Variants in PTGER2 observed in about 807,000 individuals in gnomAD.
PTGER2 encodes the protein prostaglandin E2 receptor EP2 subtype.
Under a neutral mutation model 26.2 loss-of-function variants are expected in PTGER2, and 22 were observed. That is an observed-to-expected ratio of 0.84 (90% confidence interval 0.60 to 1.20). PTGER2 has a LOEUF of 1.20. Ranked by LOEUF, PTGER2 falls within the 50% of genes most tolerant of loss-of-function variation. The pLI is 0.00. For synonymous variants in PTGER2, 219 were observed against 208.9 expected, an observed-to-expected ratio of 1.05 and a Z score of -0.42; for missense variants, 458 against 475.2, an observed-to-expected ratio of 0.96 and a Z score of 0.34.
intron 1 of PTGER2, among the ~76,000 whole-genome samples, chr14:52,322,686 C>T (rs567987884): frequency 6.6e-6 from 1 of 152,200 alleles, no homozygotes; most frequent in Non-Finnish European, 1.5e-5. Context: ...GACAGACACT[C>T]CCAGAGCGGC....
chr14:52,315,207 T>G lies in PTGER2; in HGVS notation c.659T>G (p.Leu220Arg), dbSNP rs1205259883. The change falls in exon 1 of 2, where the codon CTC (leucine) becomes CGC (arginine). Residue 220 changes from leucine (L) to arginine (R), a missense_variant. Coordinates refer to ENST00000245457, the MANE Select transcript of PTGER2 (RefSeq NM_000956.4). ...CTCGCCTGCAACTTCAGTGTCATTCTCAACCTCATCCGCATGCACCGCCGA... is the reference window on the plus strand; with the variant it reads ...CTCGCCTGCAACTTCAGTGTCATTCGCAACCTCATCCGCATGCACCGCCGA... ...SVLACNFSVI[L>R]NLIRMHRRSR... 1 of 1,610,700 alleles carries G rather than the reference T, an allele frequency of 6.2e-7. No homozygotes were observed. The highest frequency in any genetic ancestry group is 1.7e-5 in the Admixed American group (1 of 60,018).
intron 1 of PTGER2, among the ~76,000 whole-genome samples, chr14:52,326,056 T>C (rs1188309205): frequency 6.6e-6 from 1 of 152,238 alleles, no homozygotes; most frequent in African/African-American, 2.4e-5. Context: ...ACCTTTGTTT[T>C]CCTCTTTTCT....
intron 1 of PTGER2, among the ~76,000 whole-genome samples, chr14:52,318,430 C>A (rs2033862746): frequency 1.3e-5 from 2 of 152,060 alleles, no homozygotes; most frequent in African/African-American, 2.4e-5. Flanking sequence ...CCCAATATAT[C>A]TAAAATATTA....
intron 1 of PTGER2, among the ~76,000 whole-genome samples, chr14:52,326,821 C>T (rs2033955468): frequency 6.6e-6 from 1 of 152,068 alleles, no homozygotes; most frequent in African/African-American, 2.4e-5. Flanking sequence ...GGGGTTAGTA[C>T]CCAGAACAAT....
chr14:52,317,575 A>T (rs1428386415), intron 1 of PTGER2, among the ~76,000 whole-genome samples: 1 of 152,230 alleles, frequency 6.6e-6, no homozygotes, highest in Admixed American at 6.5e-5. Context: ...AAATCTGGCT[A>T]AAAGGTGTTG....
rs2033964779 is a variant in PTGER2 at position 52,327,538 on chromosome 14, T to C, written c.*84T>C. 1 of 1,140,656 alleles carries C rather than the reference T, an allele frequency of 8.8e-7. No individual in the cohort carries two copies. Among genetic ancestry groups the C allele is most frequent in the East Asian group, 2.4e-5 (1 of 41,836 alleles). 70.7% of individuals were successfully genotyped at this position (1,140,656 alleles called of 1,614,324 possible). The stretch of plus-strand genomic sequence containing the variant: ...TCCTTGGAGAAATGAAAACAGTGTG[T>C]AAACAAAATGAAGCTGCCCTAATAA... On this transcript the variant is annotated 3_prime_UTR_variant, in exon 2 of 2. Transcript: ENST00000245457.
chr14:52,318,514 G>A (rs959393478), intron 1 of PTGER2, among the ~76,000 whole-genome samples: 9 of 152,074 alleles, frequency 5.9e-5, no homozygotes, highest in Non-Finnish European at 1.2e-4. Context: ...TTGTATCCCA[G>A]AAAATAGTAG....
Position 52,315,246 on chromosome 14 carries a change from G to T in PTGER2, c.698G>T (p.Arg233Leu), listed in dbSNP as rs745828156. ...IRMHRRSRRS[R>L]CGPSLGSGRG... ...ATGCACCGCCGAAGCCGGAGAAGCC[G>T]CTGCGGACCTTCCCTGGGCAGTGGC... Residue 233 changes from arginine to leucine, a missense_variant, in exon 1 of 2, where the codon CGC becomes CTC. Physicochemically the swap from Arg to Leu is moderately radical, Grantham distance 102. Coordinates refer to ENST00000245457, the MANE Select transcript of PTGER2 (RefSeq NM_000956.4). The T allele has an allele frequency of 4.3e-6, 7 of 1,612,796 alleles. No individual in the cohort carries two copies. The highest frequency in any genetic ancestry group is 1.3e-5 in the African/African-American group (1 of 75,014).
intron 1 of PTGER2, among the ~76,000 whole-genome samples, chr14:52,322,578 C>G (rs2033906986): frequency 6.6e-6 from 1 of 152,038 alleles, no homozygotes; most frequent in South Asian, 2.1e-4. Flanking sequence ...CCAGTCTGAC[C>G]TCAAATTAAC....
intron 1 of PTGER2, among the ~76,000 whole-genome samples, chr14:52,324,696 A>C (rs1421567392): frequency 1.3e-5 from 2 of 152,248 alleles, no homozygotes; most frequent in Non-Finnish European, 2.9e-5. Context: ...ATTTTACCAC[A>C]ATTTTTTAAA....
At chr14:52,324,283 C>G (rs2033926868) in intron 1 of PTGER2, among the ~76,000 whole-genome samples, 1 of 152,114 alleles carries the variant, frequency 6.6e-6, no homozygotes, top group African/African-American at 2.4e-5. Flanking sequence ...CTGGGCCAAG[C>G]CTTTATTGGA....
chr14:52,326,085 T>C (rs759886984), intron 1 of PTGER2, among the ~76,000 whole-genome samples: 7 of 152,232 alleles, frequency 4.6e-5, no homozygotes, highest in African/African-American at 1.7e-4. Context: ...TGTAGAAGTG[T>C]GATCTTTATC....
rs757842036 is a variant in PTGER2 at position 52,315,315 on chromosome 14, T to G, written c.767T>G (p.Met256Arg). Residue 256 changes from methionine (M) to arginine (R), a missense_variant, in exon 1 of 2, where the codon ATG becomes AGG. Met to Arg is a moderately conservative substitution (Grantham distance 91). Transcript: ENST00000245457. ...GARRRGERVS[M>R]AEETDHLILL... ...CGCAGGAGAGGGGAAAGGGTGTCCA[T>G]GGCGGAGGAGACGGACCACCTCATT... 5 of 1,612,930 alleles carry G rather than the reference T, an allele frequency of 3.1e-6. No individual in the cohort carries two copies. Among genetic ancestry groups the G allele is most frequent in the Non-Finnish European group, 4.2e-6 (5 of 1,179,798 alleles).
chr14:52,321,508 C>T (rs1234305683), intron 1 of PTGER2, among the ~76,000 whole-genome samples: 1 of 152,212 alleles, frequency 6.6e-6, no homozygotes, highest in African/African-American at 2.4e-5. Flanking sequence ...CTCCTCCAAA[C>T]CCATAATGTG....
intron 1 of PTGER2, among the ~76,000 whole-genome samples, chr14:52,321,163 A>G (rs1007056190): frequency 6.6e-6 from 1 of 152,212 alleles, no homozygotes; most frequent in Non-Finnish European, 1.5e-5. Context: ...ATTGCAGGAA[A>G]ATAGGCTTCT....
intron 1 of PTGER2, among the ~76,000 whole-genome samples, chr14:52,321,946 T>C (rs1333931089): frequency 6.6e-6 from 1 of 152,184 alleles, no homozygotes; most frequent in Non-Finnish European, 1.5e-5. Flanking sequence ...TTAAGTGTGA[T>C]AAATGAATAA....
Position 52,315,149 on chromosome 14 carries a change from G to A in PTGER2, c.601G>A (p.Ala201Thr). The A allele has an allele frequency of 6.2e-7, 1 of 1,608,652 alleles. No homozygotes were observed. The highest frequency in any genetic ancestry group is 8.5e-7 in the Non-Finnish European group (1 of 1,179,932). The change falls in exon 1 of 2, where the codon GCC becomes ACC. Residue 201 changes from alanine to threonine, a missense_variant. Ala to Thr is a moderately conservative substitution (Grantham distance 58). Coordinates refer to ENST00000245457, the MANE Select transcript of PTGER2 (RefSeq NM_000956.4). ...GCGGACCGCTTACCTGCAGCTGTAC[G>A]CCACCCTGCTGCTGCTTCTCATTGT... ...HGRTAYLQLYATLLLLLIVSV... is the reference protein window; with the variant it reads ...HGRTAYLQLYTTLLLLLIVSV...
chr14:52,317,678 T>A (rs970604853), intron 1 of PTGER2, among the ~76,000 whole-genome samples: 1 of 152,160 alleles, frequency 6.6e-6, no homozygotes, highest in African/African-American at 2.4e-5. Flanking sequence ...GAAGGGGCTT[T>A]AGCTCCCCCA....
At chr14:52,323,335 C>A (rs1277094125) in intron 1 of PTGER2, among the ~76,000 whole-genome samples, 1 of 152,134 alleles carries the variant, frequency 6.6e-6, no homozygotes, top group Non-Finnish European at 1.5e-5. Context: ...CTTACTACAA[C>A]CTCTGCCTCC....
Sources: gnomAD v4.1 joint callset for allele counts (sites outside exome capture counted in the v4.1 genomes callset) on GRCh38, gnomAD v4.1.1 for gene constraint, MANE v1.5 for transcripts, NCBI Gene and HGNC (gene_info 2026-07-23, HGNC 2026-07-21) for gene names.